NAALADL2: variants seen among roughly 807,000 people sequenced by gnomAD.
NAALADL2 encodes the protein N-acetylated alpha-linked acidic dipeptidase like 2, also known as inactive N-acetylated-alpha-linked acidic dipeptidase-like protein 2.
A neutral mutation model predicts 87.2 loss-of-function variants in NAALADL2; 76 were observed. The ratio of observed to expected loss-of-function variants is 0.87; its 90% CI spans 0.72 to 1.05. NAALADL2 has a LOEUF of 1.05. Ranked by LOEUF, NAALADL2 falls within the 50% of genes least tolerant of loss-of-function variation. The pLI is 0.00. For missense variants in NAALADL2, 1,089 were observed against 945.8 expected, an observed-to-expected ratio of 1.15 and a Z score of -1.99; for synonymous variants, 354 against 331.0, an observed-to-expected ratio of 1.07 and a Z score of -0.75.
At chr3:174,972,626 G>C (rs1468154741) in intron 1 of NAALADL2, among the ~76,000 whole-genome samples, 1 of 152,106 alleles carries the variant, frequency 6.6e-6, no homozygotes, top group East Asian at 1.9e-4. Context: ...TTAAAGTACT[G>C]AGTGTTAGGA....
intron 3 of NAALADL2, among the ~76,000 whole-genome samples, chr3:174,746,413 G>C (rs963866461): frequency 1.6e-4 from 25 of 152,130 alleles, no homozygotes; most frequent in Non-Finnish European, 2.9e-5. Context: ...ACAAACCACT[G>C]CTCAAGGAAT....
At chr3:174,791,784 G>A (rs1717477634) in intron 3 of NAALADL2, among the ~76,000 whole-genome samples, 1 of 152,138 alleles carries the variant, frequency 6.6e-6, no homozygotes, top group Non-Finnish European at 1.5e-5. Context: ...TTTTGAAAAT[G>A]ATTAATCAGT....
intron 10 of NAALADL2, among the ~76,000 whole-genome samples, chr3:175,582,228 AAAG>A (rs1326256293): frequency 1.3e-5 from 2 of 152,298 alleles, no homozygotes; most frequent in African/African-American, 4.8e-5. Flanking sequence ...TAAAAAAAAA[AAAG>A]AAGAATGGAG....
intron 2 of NAALADL2, among the ~76,000 whole-genome samples, chr3:174,650,654 T>A (rs1048317126): frequency 3.3e-5 from 5 of 152,068 alleles, no homozygotes; most frequent in Admixed American, 3.3e-4. Flanking sequence ...GAGAAATGAG[T>A]TTATGTTATA....
rs756504256 is a variant in NAALADL2 at position 174,641,962 on chromosome 3, T to C, written c.-115+91325T>C. Among the ~76,000 whole-genome samples, 153 of 152,200 alleles carry C rather than the reference T, an allele frequency of 1.0e-3. 1 individual carries two copies. Among genetic ancestry groups the C allele is most frequent in the Non-Finnish European group, 1.5e-3 (103 of 68,016 alleles). The stretch of plus-strand genomic sequence containing the variant: ...TTTTTAGAGACAAGGTTTCACCATG[T>C]TGGCCAGGCTGGTCTCAAACTCCTG... On this transcript the variant is annotated intron_variant, in intron 2 of 3. Coordinates refer to the NAALADL2 transcript ENST00000434257.
chr3:175,667,241 A>AAGAAAAAGAAAGAAAG (rs1182682303), intron 11 of NAALADL2, among the ~76,000 whole-genome samples: 2 of 91,786 alleles, frequency 2.2e-5, no homozygotes, highest in Admixed American at 1.0e-4. Context: ...GAAAGAAAGA[A>AAGAAAAAGAAAGAAAG]AAAGAAAGAA....
At chr3:174,480,870 A>G (rs865875400) in intron 1 of NAALADL2, among the ~76,000 whole-genome samples, 17 of 152,072 alleles carry the variant, frequency 1.1e-4, no homozygotes, top group African/African-American at 4.1e-4. Flanking sequence ...GAAGTTGAGT[A>G]GATAAGGACT....
At chr3:175,092,037 A>T (rs1720232558) in intron 1 of NAALADL2, among the ~76,000 whole-genome samples, 1 of 151,894 alleles carries the variant, frequency 6.6e-6, no homozygotes, top group Non-Finnish European at 1.5e-5. Flanking sequence ...TCGTGGAAAA[A>T]AATAGTGAAT....
chr3:175,708,199 T>G (rs1234982223), intron 11 of NAALADL2, among the ~76,000 whole-genome samples: 1 of 152,080 alleles, frequency 6.6e-6, no homozygotes, highest in Non-Finnish European at 1.5e-5. Context: ...TATAAAGACA[T>G]GTTCATAAGT....
intron 9 of NAALADL2, among the ~76,000 whole-genome samples, chr3:175,479,827 A>G (rs115581889): frequency 6.6e-6 from 1 of 151,860 alleles, no homozygotes; most frequent in African/African-American, 2.4e-5. Flanking sequence ...TATGAAATAA[A>G]TTGAGCAGCA....
intron 9 of NAALADL2, among the ~76,000 whole-genome samples, chr3:175,479,957 A>G (rs1436712884): frequency 6.6e-6 from 1 of 151,812 alleles, no homozygotes; most frequent in Non-Finnish European, 1.5e-5. Flanking sequence ...AAGAATTCTC[A>G]GATAGGAAGA....
chr3:174,520,714 A>T (rs1020577979), intron 1 of NAALADL2, among the ~76,000 whole-genome samples: 1 of 152,238 alleles, frequency 6.6e-6, no homozygotes, highest in Non-Finnish European at 1.5e-5. Context: ...ATAGGATTTC[A>T]TCAAACTTAA....
intron 4 of NAALADL2, 184 bp downstream of exon 4, chr3:175,256,714 A>T (rs1750010758): frequency 2.3e-6 from 1 of 431,936 alleles, no homozygotes. Flanking sequence ...AGAACATTTT[A>T]ATTTAAGATA....
intron 9 of NAALADL2, among the ~76,000 whole-genome samples, chr3:175,501,163 G>C (rs2149368341): frequency 1.3e-5 from 2 of 152,256 alleles, no homozygotes; most frequent in South Asian, 4.1e-4. Flanking sequence ...TTGGGCATCA[G>C]TCAGGAGTCC....
intron 1 of NAALADL2, among the ~76,000 whole-genome samples, chr3:175,076,837 AC>A (rs1463330543): frequency 1.6e-4 from 25 of 152,218 alleles, no homozygotes. Flanking sequence ...CTTTAAAGGT[AC>A]TGTTTATGTG....
At chr3:175,309,313 G>C (rs1472395664) in intron 4 of NAALADL2, among the ~76,000 whole-genome samples, 1 of 151,934 alleles carries the variant, frequency 6.6e-6, no homozygotes, top group Non-Finnish European at 1.5e-5. Flanking sequence ...AGCCTCCTGA[G>C]TAACTGGGAT....
At chr3:174,715,093 C>T (rs1214104799) in intron 2 of NAALADL2, among the ~76,000 whole-genome samples, 1 of 152,004 alleles carries the variant, frequency 6.6e-6, no homozygotes, top group African/African-American at 2.4e-5. Flanking sequence ...TGGAAATGGC[C>T]CTTATTAGTC....
intron 3 of NAALADL2, among the ~76,000 whole-genome samples, chr3:174,847,095 G>T (rs1039496762): frequency 2.0e-5 from 3 of 152,244 alleles, no homozygotes; most frequent in African/African-American, 7.2e-5. Flanking sequence ...TGGGTTAATG[G>T]TATCACTGAG....
intron 4 of NAALADL2, among the ~76,000 whole-genome samples, chr3:175,265,485 T>G (rs1281104835): frequency 6.6e-6 from 1 of 151,682 alleles, no homozygotes; most frequent in Non-Finnish European, 1.5e-5. Context: ...CTCGCTCATT[T>G]TCTCTTTTTG....
Sources: gnomAD v4.1 joint callset for allele counts (sites outside exome capture counted in the v4.1 genomes callset) on GRCh38, gnomAD v4.1.1 for gene constraint, MANE v1.5 for transcripts, NCBI Gene and HGNC (gene_info 2026-07-23, HGNC 2026-07-21) for gene names.